Variants in ENG observed in about 807,000 individuals in gnomAD.
ENG encodes endoglin.
A neutral mutation model predicts 71.0 loss-of-function variants in ENG; 17 were observed. That is an observed-to-expected ratio of 0.24 (90% CI 0.16 to 0.36). ENG has a LOEUF of 0.36. ENG is among the 10% of genes least tolerant of loss of function. The probability of loss-of-function intolerance (pLI) is 1.00; values close to 1 mark genes in which losing one functional copy is unlikely to be tolerated. For synonymous variants in ENG, 360 were observed against 366.9 expected (o/e 0.98, Z 0.21); for missense variants, 749 against 868.3 (o/e 0.86, Z 1.73).
chr9:127,825,280 G>T lies in ENG; in HGVS notation c.767C>A (p.Pro256His). 1.2e-6 allele frequency: 2 copies of T among 1,612,146 alleles called. No individual in the cohort carries two copies. Among genetic ancestry groups the T allele is most frequent in the Non-Finnish European group, 1.7e-6 (2 of 1,179,622 alleles). The change falls in exon 6 of 15, where the codon CCC becomes CAC. Residue 256 changes from proline (P) to histidine (H), a missense_variant. Transcript: ENST00000373203. ...GTCGATGAGCCAGGACACGTAGGGG[G>T]GACCCTGCAGGATGAGGACGGCATC... ...DLDAVLILQG[P>H]PYVSWLIDAN...
chr9:127,818,338 A>C lies in ENG; in HGVS notation c.1468T>G (p.Leu490Val). 1 of 1,614,018 alleles carries C rather than the reference A, an allele frequency of 6.2e-7. No homozygotes were observed. Among genetic ancestry groups the C allele is most frequent in the Non-Finnish European group, 8.5e-7 (1 of 1,180,020 alleles). Reference protein sequence around the residue: ...SPSVSEFLLQLDSCHLDLGPE... With the variant: ...SPSVSEFLLQVDSCHLDLGPE... ...CCCAAGTCCAGGTGGCAGCTGTCTA[A>C]CTGGAGCAGGAACTCGGAGACGGAT... is the stretch of plus-strand genomic sequence containing the variant. Residue 490 changes from leucine (L) to valine (V), a missense_variant, in exon 12 of 15, where the codon TTA (leucine) becomes GTA (valine). Transcript: ENST00000373203.
At chr9:127,840,952 C>T (rs1232350242) in intron 2 of ENG, among the ~76,000 whole-genome samples, 1 of 152,188 alleles carries the variant, frequency 6.6e-6, no homozygotes, top group Non-Finnish European at 1.5e-5. Flanking sequence ...ACTGTTATTG[C>T]CCACGGGATA....
intron 2 of ENG, among the ~76,000 whole-genome samples, chr9:127,837,371 G>T (rs928847011): frequency 3.3e-5 from 5 of 152,086 alleles, no homozygotes; most frequent in African/African-American, 1.2e-4. Flanking sequence ...TAGGAGTCCT[G>T]GTCTCCAGCC....
Position 127,843,245 on chromosome 9 carries a change from C to T in ENG, c.68G>A (p.Ser23Asn), listed in dbSNP as rs1253367171. The T allele has an allele frequency of 6.2e-7, 1 of 1,614,190 alleles. No individual in the cohort carries two copies. Among genetic ancestry groups the T allele is most frequent in the African/African-American group, 1.3e-5 (1 of 75,058 alleles). Reference sequence around the variant, plus strand: ...GTCACAATGGACTGTTTCTGCAAGACCTGTTGGAGAAACATCCGGAAAGAG... The same window carrying T: ...GTCACAATGGACTGTTTCTGCAAGATCTGTTGGAGAAACATCCGGAAAGAG... ...LLASCSLSPT[S>N]LAETVHCDLQ... The change falls in exon 2 of 15, where the codon AGT becomes AAT. Residue 23 changes from serine (S) to asparagine (N), a missense_variant and splice_region_variant. Ser to Asn is a conservative substitution (Grantham distance 46). Coordinates refer to ENST00000373203, the MANE Select transcript of ENG (RefSeq NM_001114753.3).
At position 127,818,102 on chromosome 9, in the gene ENG, G is replaced by T; in HGVS notation, c.1686+18C>A. The stretch of plus-strand genomic sequence containing the variant: ...GAAGCTCCCACTTGAAGCTGGGGCC[G>T]GCCCAGGCCCCACTCACCTGGTCTT... On this transcript the variant is annotated intron_variant, in intron 12 of 14. Coordinates refer to ENST00000373203, the MANE Select transcript of ENG (RefSeq NM_001114753.3). 1 of 1,613,974 alleles carries T rather than the reference G, an allele frequency of 6.2e-7. No homozygotes were observed. Among genetic ancestry groups the T allele is most frequent in the Non-Finnish European group, 8.5e-7 (1 of 1,180,020 alleles).
intron 1 of ENG, 61 bp downstream of exon 1, chr9:127,854,228 T>A (rs943158211): frequency 6.6e-7 from 1 of 1,520,848 alleles, no homozygotes; most frequent in Non-Finnish European, 8.9e-7. Context: ...CCGGGAATAC[T>A]TGGGGCCTGG....
intron 1 of ENG, among the ~76,000 whole-genome samples, chr9:127,851,364 C>T (rs192704486): frequency 3.0e-4 from 45 of 151,926 alleles, no homozygotes; most frequent in African/African-American, 9.2e-4. Context: ...GGATTACAGG[C>T]GCCCACCACT....
At chr9:127,826,462 C>T (rs1295110535) in intron 4 of ENG, 48 bp downstream of exon 4, 1 of 1,610,290 alleles carries the variant, frequency 6.2e-7, no homozygotes, top group East Asian at 2.2e-5. Context: ...AGCTCAGATT[C>T]CTCCTGAGCA....
At position 127,825,883 on chromosome 9, in the gene ENG, G is replaced by T. The variant is rs769460659; in HGVS notation, c.524-23C>A. On this transcript the variant is annotated intron_variant, in intron 4 of 14. Coordinates refer to ENST00000373203, the MANE Select transcript of ENG (RefSeq NM_001114753.3). ...GGGCTGCAGAGACACGCGCACCTCAGTCCCTTCCCTCAGCAGCCCTGCACC... is the reference window on the plus strand; with the variant it reads ...GGGCTGCAGAGACACGCGCACCTCATTCCCTTCCCTCAGCAGCCCTGCACC... 24 of 1,570,350 alleles carry T rather than the reference G, an allele frequency of 1.5e-5. 1 individual carries two copies. In the East Asian group the frequency reaches 5.2e-4, roughly 34 times the overall value.
Position 127,829,702 on chromosome 9 carries a change from T to C in ENG, c.345A>G (p.Pro115=), listed in dbSNP as rs766078936. The C allele has an allele frequency of 1.2e-6, 2 of 1,613,928 alleles. No individual in the cohort carries two copies. Among genetic ancestry groups the C allele is most frequent in the Non-Finnish European group, 1.7e-6 (2 of 1,179,974 alleles). Reference sequence around the variant, plus strand: ...ACACACTCACGTAGGCCAAGTGCAGTGGGATTCCCAGGGCCTGGAGATGCA... The same window carrying C: ...ACACACTCACGTAGGCCAAGTGCAGCGGGATTCCCAGGGCCTGGAGATGCA... ...VFLHLQALGI[P]LHLAYNSSLV... Residue 115 remains proline (P), a synonymous_variant, in exon 3 of 15, where the codon CCA becomes CCG. Transcript: ENST00000373203.
At chr9:127,854,000 G>A (rs1185738559) in intron 1 of ENG, among the ~76,000 whole-genome samples, 1 of 152,220 alleles carries the variant, frequency 6.6e-6, no homozygotes, top group Non-Finnish European at 1.5e-5. Context: ...CAGCATTCTG[G>A]GACCTAGGCT....
intron 2 of ENG, among the ~76,000 whole-genome samples, chr9:127,835,423 C>T (rs544672297): frequency 2.0e-5 from 3 of 152,254 alleles, no homozygotes; most frequent in South Asian, 4.1e-4. Context: ...CATTGCTGTG[C>T]GGCCCCATCT....
intron 2 of ENG, among the ~76,000 whole-genome samples, chr9:127,833,479 G>A (rs1163277754): frequency 7.1e-6 from 1 of 141,480 alleles, no homozygotes. Flanking sequence ...CCAAGATCGC[G>A]CCATTGAGCT....
chr9:127,818,513 C>G (rs529788586), intron 11 of ENG, 136 bp from the exon 12 acceptor site: 1 of 1,510,766 alleles, frequency 6.6e-7, no homozygotes, highest in Non-Finnish European at 9.0e-7. Flanking sequence ...ATGGACCTGT[C>G]TGGGGCAGAG....
chr9:127,825,564 A>G (rs1830590325), intron 5 of ENG, 131 bp downstream of exon 5: 2 of 1,230,212 alleles, frequency 1.6e-6, no homozygotes, highest in Non-Finnish European at 2.2e-6. Context: ...CTGTGCTCTC[A>G]CAGGGCTGCG....
rs1036706837 is a variant in ENG at position 127,815,502 on chromosome 9, G to A, written c.*180C>T. 4.7e-6 allele frequency: 6 copies of A among 1,266,084 alleles called. No individual in the cohort carries two copies. In the Admixed American group the frequency reaches 1.1e-4, roughly 23 times the overall value. The allele number at this position is 1,266,084 out of a possible 1,614,324, so 78.4% of individuals were successfully genotyped here. A position where few individuals can be genotyped will look rare whatever the true frequency, so the allele number is the denominator to read the frequency against. ...CTGTGGGGTGGAGGGACCCCAAGGT[G>A]TTCCAAGCCAGTGGCTGCACTGGCA... On this transcript the variant is annotated 3_prime_UTR_variant, in exon 15 of 15. Transcript: ENST00000373203.
rs71380096 is a variant in ENG, at chr9:127,824,512, C to CTTTTT, written c.992-71_992-67dup. ...GTGATCACTGTGTGCCCGCACCAGGCTTTTTTTTTTTTTTTTTTTTTTTTG... is the reference window on the plus strand; with the variant it reads ...GTGATCACTGTGTGCCCGCACCAGGCTTTTTTTTTTTTTTTTTTTTTTTTTTTTTG... On this transcript the variant is annotated intron_variant, in intron 7 of 14. Transcript: ENST00000373203. The CTTTTT allele has an allele frequency of 4.8e-4, 330 of 685,556 alleles. 3 individuals carry two copies. Among genetic ancestry groups the CTTTTT allele is most frequent in the African/African-American group, 1.9e-3 (59 of 30,870 alleles). 42.5% of individuals were successfully genotyped at this position (685,556 alleles called of 1,614,324 possible). A position where few individuals can be genotyped will look rare whatever the true frequency, so the allele number is the denominator to read the frequency against.
In ENG at chr9:127,815,668, GC is replaced by G; in HGVS notation, c.*13del. On this transcript the variant is annotated 3_prime_UTR_variant, in exon 15 of 15. Coordinates refer to ENST00000373203, the MANE Select transcript of ENG (RefSeq NM_001114753.3). Reference sequence around the variant, plus strand: ...GCTCAGTCTCTCCTGCTGGGCGAGCGCGGGGGGCCGGGGCTATGCCATGCTG... The same window carrying G: ...GCTCAGTCTCTCCTGCTGGGCGAGCGGGGGGGCCGGGGCTATGCCATGCTG... The G allele has an allele frequency of 1.3e-6, 2 of 1,553,040 alleles. No individual in the cohort carries two copies. Among genetic ancestry groups the G allele is most frequent in the Non-Finnish European group, 1.7e-6 (2 of 1,156,366 alleles).
rs775160533 is a variant in ENG, at chr9:127,825,305, C to T, written c.742G>A (p.Asp248Asn). 1.0e-5 allele frequency: 16 copies of T among 1,607,656 alleles called. No individual in the cohort carries two copies. The South Asian group carries it at 1.5e-4, about 15-fold the overall frequency. ...VELSCAPGDL[D>N]AVLILQGPPY... ...GGACCCTGCAGGATGAGGACGGCAT[C>T]GAGATCCCCGGGTGCGCAGCTCAGT... Residue 248 changes from aspartate to asparagine, a missense_variant, in exon 6 of 15, where the codon GAT (aspartate) becomes AAT (asparagine). By Grantham distance (23) the Asp-to-Asn change is conservative (BLOSUM62 1). Coordinates refer to ENST00000373203, the MANE Select transcript of ENG (RefSeq NM_001114753.3).
Sources: gnomAD v4.1 joint callset for allele counts (sites outside exome capture counted in the v4.1 genomes callset) on GRCh38, gnomAD v4.1.1 for gene constraint, MANE v1.5 for transcripts, NCBI Gene and HGNC (gene_info 2026-07-23, HGNC 2026-07-21) for gene names.